Variants in THEM6 observed in about 807,000 individuals in gnomAD.
THEM6 encodes protein THEM6.
THEM6 carries 10 observed loss-of-function variants against 13.7 expected under a neutral mutation model. The ratio of observed to expected loss-of-function variants is 0.73; its 90% CI spans 0.45 to 1.24. The LOEUF (loss-of-function observed/expected upper bound fraction) is 1.24. Among genes scored for constraint, THEM6 ranks in the 50% most tolerant of loss-of-function variants. The probability of loss-of-function intolerance (pLI) is 0.00; values close to 1 mark genes in which losing one functional copy is unlikely to be tolerated. For missense variants in THEM6, 317 were observed against 312.6 expected (o/e 1.01, Z -0.11); for synonymous variants, 161 against 156.0 (o/e 1.03, Z -0.24).
intron 1 of THEM6, 177 bp from the exon 2 acceptor site, chr8:142,735,149 C>T: frequency 1.7e-6 from 1 of 605,120 alleles, no homozygotes; most frequent in Non-Finnish European, 3.0e-6. Flanking sequence ...GGGGCTGTGT[C>T]AAGGTGGGTA....
Position 142,727,590 on chromosome 8 carries a change from C to T in THEM6, c.244C>T (p.Leu82=), listed in dbSNP as rs2129983658. Residue 82 remains leucine (L), a synonymous_variant, in exon 1 of 2, where the codon CTG becomes TTG. Coordinates refer to ENST00000336138, the MANE Select transcript of THEM6 (RefSeq NM_016647.3). ...READFARVAH[L]TRCGVLGALR... ...GGCCGACTTTGCGCGCGTCGCGCAC[C>T]TGACCCGCTGCGGGGTGCTCGGGGC... is the stretch of plus-strand genomic sequence containing the variant. 3 of 1,521,336 alleles carry T rather than the reference C, an allele frequency of 2.0e-6. No individual in the cohort carries two copies. Among genetic ancestry groups the T allele is most frequent in the Non-Finnish European group, 2.6e-6 (3 of 1,141,928 alleles). The allele number at this position is 1,521,336 out of a possible 1,614,324, so 94.2% of individuals were successfully genotyped here.
rs189323711 is a variant in THEM6, at chr8:142,731,396, C to A, written c.513+3537C>A. ...AGTATTATTTTATTTTTCTGACATA[C>A]CTTGTATATAAACTGTTTTTTTTTA... On this transcript the variant is annotated intron_variant, in intron 1 of 1. Coordinates refer to ENST00000336138, the MANE Select transcript of THEM6 (RefSeq NM_016647.3). Among the ~76,000 whole-genome samples, 13 of 152,168 alleles carry A rather than the reference C, an allele frequency of 8.5e-5. No homozygotes were observed. The East Asian group carries it at 2.3e-3, about 27-fold the overall frequency.
Position 142,727,480 on chromosome 8 carries a change from T to C in THEM6, c.134T>C (p.Leu45Pro). 1.3e-6 allele frequency: 2 copies of C among 1,576,868 alleles called. No individual in the cohort carries two copies. Among genetic ancestry groups the C allele is most frequent in the Non-Finnish European group, 1.7e-6 (2 of 1,169,534 alleles). The change falls in exon 1 of 2, where the codon CTA (leucine) becomes CCA (proline). Residue 45 changes from leucine to proline, a missense_variant. Transcript: ENST00000336138. ...CTGCAGCCGCGCGTCCGTGACCTGC[T>C]AGCTGAGCAGCGCTTCCCGGGCCGC... ...RLLQPRVRDL[L>P]AEQRFPGRVL...
intron 1 of THEM6, chr8:142,734,989 G>C (rs587715101): frequency 3.6e-6 from 1 of 277,604 alleles, no homozygotes; most frequent in Admixed American, 4.6e-5. Context: ...CTTTCCTGGA[G>C]GAGGGCTCCC....
chr8:142,732,180 A>ATATATATATT (rs1815661530), intron 1 of THEM6, among the ~76,000 whole-genome samples: 1 of 76,796 alleles, frequency 1.3e-5, no homozygotes, highest in African/African-American at 5.4e-5. Context: ...ATATATATAT[A>ATATATATATT]TATATATATA....
Position 142,727,415 on chromosome 8 carries a change from C to T in THEM6, c.69C>T (p.Tyr23=), listed in dbSNP as rs1815515932. 2.0e-6 allele frequency: 3 copies of T among 1,537,442 alleles called. No individual in the cohort carries two copies. Among genetic ancestry groups the T allele is most frequent in the Non-Finnish European group, 2.6e-6 (3 of 1,148,584 alleles). The change falls in exon 1 of 2, where the codon TAC becomes TAT. Residue 23 remains tyrosine, a synonymous_variant. Transcript: ENST00000336138. ...LAVFALLDVW[Y]LVRLPCAVLR... is the part of the protein sequence containing the mutation. ...TCTTTGCGCTGCTGGACGTCTGGTA[C>T]CTGGTGCGCCTTCCGTGCGCCGTGC...
chr8:142,727,514 C>T lies in THEM6; in HGVS notation c.168C>T (p.Pro56=), dbSNP rs782364392. 3 of 1,579,514 alleles carry T rather than the reference C, an allele frequency of 1.9e-6. No homozygotes were observed. Among genetic ancestry groups the T allele is most frequent in the African/African-American group, 2.8e-5 (2 of 72,488 alleles). ...AEQRFPGRVL[P]SDLDLLLHMN... ...AGCGCTTCCCGGGCCGCGTGCTGCC[C>T]TCGGACTTGGACCTGCTGCTGCACA... Residue 56 remains proline, a synonymous_variant, in exon 1 of 2, where the codon CCC becomes CCT. Coordinates refer to ENST00000336138, the MANE Select transcript of THEM6 (RefSeq NM_016647.3).
intron 1 of THEM6, chr8:142,734,955 G>A (rs1208969128): frequency 4.7e-6 from 1 of 213,974 alleles, no homozygotes; most frequent in Non-Finnish European, 9.5e-6. Flanking sequence ...AGAAAGAAGA[G>A]AACTCAGTGA....
Position 142,735,487 on chromosome 8 carries a change from G to A in THEM6, c.*48G>A. On this transcript the variant is annotated 3_prime_UTR_variant, in exon 2 of 2. Coordinates refer to ENST00000336138, the MANE Select transcript of THEM6 (RefSeq NM_016647.3). ...CCTGGCCACCATCCTGGGCCTGGGG[G>A]CTGCCCACAGATGGGCAGTCTCAGC... 1.4e-6 allele frequency: 2 copies of A among 1,391,468 alleles called. No homozygotes were observed. The highest frequency in any genetic ancestry group is 2.0e-6 in the Non-Finnish European group (2 of 1,004,804). 86.2% of individuals were successfully genotyped at this position (1,391,468 alleles called of 1,614,324 possible).
rs1815530477 is a variant in THEM6, at chr8:142,727,657, G to A, written c.311G>A (p.Cys104Tyr). Residue 104 changes from cysteine (C) to tyrosine (Y), a missense_variant, in exon 1 of 2, where the codon TGC (cysteine) becomes TAC (tyrosine). Cys to Tyr is a radical substitution (Grantham distance 194). Coordinates refer to ENST00000336138, the MANE Select transcript of THEM6 (RefSeq NM_016647.3). ...LRAHTVLAAS[C>Y]ARHRRSLRLL... ...GCGCACACGGTGCTGGCGGCCTCGT[G>A]CGCGCGCCACCGCCGCTCGCTGCGC... 6.9e-7 allele frequency: 1 copy of A among 1,443,790 alleles called. No homozygotes were observed. Among genetic ancestry groups the A allele is most frequent in the Non-Finnish European group, 9.0e-7 (1 of 1,109,696 alleles). 89.4% of individuals were successfully genotyped at this position (1,443,790 alleles called of 1,614,324 possible).
rs1587586234 is a variant in THEM6 at position 142,735,639 on chromosome 8, T to C, written c.*200T>C. On this transcript the variant is annotated 3_prime_UTR_variant, in exon 2 of 2. Coordinates refer to ENST00000336138, the MANE Select transcript of THEM6 (RefSeq NM_016647.3). ...ACGCTAGGCAGAAGGAGGAGTGGCATTGGCATCCTGACCCAGCTCTGCCCT... is the reference window on the plus strand; with the variant it reads ...ACGCTAGGCAGAAGGAGGAGTGGCACTGGCATCCTGACCCAGCTCTGCCCT... 1.7e-6 allele frequency: 1 copy of C among 572,134 alleles called. No homozygotes were observed. Among genetic ancestry groups the C allele is most frequent in the East Asian group, 2.9e-5 (1 of 34,660 alleles). 35.4% of individuals were successfully genotyped at this position (572,134 alleles called of 1,614,324 possible).
Position 142,727,622 on chromosome 8 carries a change from G to A in THEM6, c.276G>A (p.Arg92=). 1 of 1,495,382 alleles carries A rather than the reference G, an allele frequency of 6.7e-7. No individual in the cohort carries two copies. The highest frequency in any genetic ancestry group is 2.8e-5 in the East Asian group (1 of 36,116). The allele number at this position is 1,495,382 out of a possible 1,614,324, so 92.6% of individuals were successfully genotyped here. The change falls in exon 1 of 2, where the codon AGG becomes AGA. Residue 92 remains arginine, a synonymous_variant. Coordinates refer to ENST00000336138, the MANE Select transcript of THEM6 (RefSeq NM_016647.3). The stretch of plus-strand genomic sequence containing the variant: ...GCTGCGGGGTGCTCGGGGCGCTGAG[G>A]GAGTTGCGGGCGCACACGGTGCTGG... ...LTRCGVLGAL[R]ELRAHTVLAA...
intron 1 of THEM6, among the ~76,000 whole-genome samples, chr8:142,732,486 G>T (rs2129998413): frequency 6.6e-6 from 1 of 151,868 alleles, no homozygotes; most frequent in Middle Eastern, 3.4e-3. Context: ...GAACCATGGA[G>T]GGGACCCACT....
At chr8:142,731,619 T>G (rs1815647814) in intron 1 of THEM6, among the ~76,000 whole-genome samples, 2 of 152,174 alleles carry the variant, frequency 1.3e-5, no homozygotes, top group Non-Finnish European at 2.9e-5. Context: ...AGTTTCTCTC[T>G]TATTCTTTCC....
rs1295570390 is a variant in THEM6 at position 142,736,528 on chromosome 8, C to G, written c.*1089C>G. On this transcript the variant is annotated 3_prime_UTR_variant, in exon 2 of 2. Transcript: ENST00000336138. ...GGACACTGGCTGGGGCCACCCCCTC[C>G]TGCCTAATGCCTCACCTTACAGCTG... 6.6e-6 allele frequency: 1 copy of G among 152,360 alleles called. No individual in the cohort carries two copies. Among genetic ancestry groups the G allele is most frequent in the African/African-American group, 2.4e-5 (1 of 41,474 alleles). The allele number at this position is 152,360 out of a possible 1,614,324, so 9.4% of individuals were successfully genotyped here. A position where few individuals can be genotyped will look rare whatever the true frequency, so the allele number is the denominator to read the frequency against.
rs1264113177 is a variant in THEM6, at chr8:142,735,995, C to T, written c.*556C>T. ...GAGCCTGGGTGGTCAGAGGCCGGGG[C>T]TAGAGGCAGATGGAAGGGAGGCATT... On this transcript the variant is annotated 3_prime_UTR_variant, in exon 2 of 2. Transcript: ENST00000336138. The T allele has an allele frequency of 6.5e-6, 1 of 153,616 alleles. No individual in the cohort carries two copies. Among genetic ancestry groups the T allele is most frequent in the African/African-American group, 2.4e-5 (1 of 41,478 alleles). 9.5% of individuals were successfully genotyped at this position (153,616 alleles called of 1,614,324 possible). A position where few individuals can be genotyped will look rare whatever the true frequency, so the allele number is the denominator to read the frequency against.
At chr8:142,727,931 G>A (rs1468401740) in intron 1 of THEM6, 72 bp downstream of exon 1, 6 of 1,355,208 alleles carry the variant, frequency 4.4e-6, no homozygotes, top group Admixed American at 8.0e-5. Flanking sequence ...CTAGTCCCTG[G>A]CCCCCTCCCC....
intron 1 of THEM6, among the ~76,000 whole-genome samples, chr8:142,728,741 G>A (rs1281568900): frequency 6.6e-6 from 1 of 152,182 alleles, no homozygotes; most frequent in Admixed American, 6.5e-5. Context: ...CACAGTGAAA[G>A]CAAGTTTATT....
chr8:142,735,426 C>T lies in THEM6; in HGVS notation c.614C>T (p.Thr205Ile). The T allele has an allele frequency of 1.9e-6, 3 of 1,576,010 alleles. No homozygotes were observed. Among genetic ancestry groups the T allele is most frequent in the East Asian group, 2.3e-5 (1 of 42,628 alleles). Residue 205 changes from threonine (T) to isoleucine (I), a missense_variant, in exon 2 of 2, where the codon ACC becomes ATC. Thr to Ile is a moderately conservative substitution (Grantham distance 89). Transcript: ENST00000336138. ...ATGGAGAGTGGGCTCAGTGATGTCA[C>T]CAAGGACCAGTGACCGCCACCTTCA... ...LRMESGLSDV[T>I]KDQ
Sources: allele counts gnomAD v4.1 joint callset (sites outside exome capture counted in the v4.1 genomes callset), GRCh38; gene constraint gnomAD v4.1.1; transcripts MANE v1.5; gene names NCBI Gene and HGNC (gene_info 2026-07-23, HGNC 2026-07-21).